The following LYSMD2 variants were observed in gnomAD, a reference collection of about 807,000 sequenced individuals.
The protein encoded by LYSMD2 is lysM and putative peptidoglycan-binding domain-containing protein 2.
LYSMD2 carries 6 observed loss-of-function variants against 17.7 expected under a neutral mutation model. That is an observed-to-expected ratio of 0.34 (90% CI 0.19 to 0.67). The LOEUF (loss-of-function observed/expected upper bound fraction) is 0.67, where lower values mean the gene tolerates loss of function less well. Ranked by LOEUF, LYSMD2 falls within the 30% of genes least tolerant of loss-of-function variation. LYSMD2 has a pLI of 0.69. For missense variants in LYSMD2, 237 were observed against 286.7 expected (o/e 0.83, Z 1.25); for synonymous variants, 102 against 129.8 (o/e 0.79, Z 1.45).
chr15:51,746,978 G>A (rs1165921922), intron 1 of LYSMD2, among the ~76,000 whole-genome samples: 12 of 143,320 alleles, frequency 8.4e-5, no homozygotes, highest in African/African-American at 1.8e-4. Context: ...TCAGGTGTTC[G>A]TGACCAGCCT....
At chr15:51,725,696 T>C (rs921181999) in intron 1 of LYSMD2, among the ~76,000 whole-genome samples, 6 of 152,070 alleles carry the variant, frequency 3.9e-5, no homozygotes, top group Admixed American at 3.3e-4. Context: ...GAAATATATA[T>C]ATATGAGAGA....
chr15:51,724,917 T>C lies in LYSMD2; in HGVS notation c.478A>G (p.Ser160Gly), dbSNP rs907811822. ...VVAGEDLPPP[S>G]PQESDVQPVQ... ...GGCTGAACATCAGATTCTTGAGGAC[T>C]GGGAGGAGGGAGGTCTTCCCCGGCC... The change falls in exon 2 of 3, where the codon AGT becomes GGT. Residue 160 changes from serine to glycine, a missense_variant. Coordinates refer to ENST00000267838, the MANE Select transcript of LYSMD2 (RefSeq NM_153374.3). 6.2e-7 allele frequency: 1 copy of C among 1,614,118 alleles called. No homozygotes were observed. The highest frequency in any genetic ancestry group is 1.7e-5 in the Admixed American group (1 of 60,018).
chr15:51,739,399 T>C (rs1001138200), upstream of LYSMD2, among the ~76,000 whole-genome samples: 31 of 152,212 alleles, frequency 2.0e-4, no homozygotes, highest in Non-Finnish European at 4.4e-5. Flanking sequence ...AAAAAGATCC[T>C]GAATGCTAAT....
chr15:51,749,582 G>C (rs1483017316), intron 1 of LYSMD2, among the ~76,000 whole-genome samples: 1 of 152,168 alleles, frequency 6.6e-6, no homozygotes, highest in Non-Finnish European at 1.5e-5. Context: ...AGAACCACGG[G>C]AAACCAAAGA....
At chr15:51,727,815 G>A (rs889252232) in intron 1 of LYSMD2, among the ~76,000 whole-genome samples, 14 of 152,218 alleles carry the variant, frequency 9.2e-5, no homozygotes, top group African/African-American at 3.4e-4. Context: ...TCATTAGTAA[G>A]CATTTAAGAT....
intron 1 of LYSMD2, among the ~76,000 whole-genome samples, chr15:51,726,568 T>C (rs577788874): frequency 2.0e-5 from 3 of 152,194 alleles, no homozygotes; most frequent in African/African-American, 4.8e-5. Context: ...TGCAGGACGG[T>C]AGTCGAGGGG....
At chr15:51,745,729 T>C (rs1217863839) in intron 1 of LYSMD2, among the ~76,000 whole-genome samples, 20 of 152,090 alleles carry the variant, frequency 1.3e-4, no homozygotes, top group Admixed American at 1.2e-3. Context: ...GTCTAGAACA[T>C]ATAAAGAACT....
intron 1 of LYSMD2, among the ~76,000 whole-genome samples, chr15:51,731,116 T>C (rs1037422036): frequency 2.0e-5 from 3 of 152,196 alleles, no homozygotes; most frequent in Non-Finnish European, 2.9e-5. Context: ...GGCATGGGGA[T>C]CTTTTCGGGG....
At chr15:51,748,001 G>A (rs890672350) in intron 1 of LYSMD2, among the ~76,000 whole-genome samples, 4 of 152,180 alleles carry the variant, frequency 2.6e-5, no homozygotes, top group African/African-American at 9.6e-5. Context: ...GGCCGGGCCC[G>A]GTGGCTCACG....
upstream of LYSMD2, among the ~76,000 whole-genome samples, chr15:51,741,496 C>T (rs2141601677): frequency 6.6e-6 from 1 of 152,268 alleles, no homozygotes; most frequent in South Asian, 2.1e-4. Flanking sequence ...ATAATTCATC[C>T]ATTTAAAGTG....
chr15:51,732,243 G>A (rs143214055), intron 1 of LYSMD2, among the ~76,000 whole-genome samples: 241 of 152,224 alleles, frequency 1.6e-3, no homozygotes, highest in Non-Finnish European at 2.5e-3. Context: ...TCCAGGGTCC[G>A]CTCAGCTCCA....
chr15:51,733,979 T>C (rs113694660), intron 1 of LYSMD2, among the ~76,000 whole-genome samples: 1,534 of 152,232 alleles, frequency 0.01, 18 homozygotes, highest in African/African-American at 0.022. Context: ...GGTCAGGAGT[T>C]GAACACCAGC....
chr15:51,735,131 G>T (rs796125624), intron 1 of LYSMD2, among the ~76,000 whole-genome samples: 18 of 151,688 alleles, frequency 1.2e-4, no homozygotes, highest in African/African-American at 4.4e-4. Flanking sequence ...CCATGTTAGT[G>T]CCACTGCACT....
At chr15:51,727,021 A>T (rs1384487536) in intron 1 of LYSMD2, among the ~76,000 whole-genome samples, 1 of 152,176 alleles carries the variant, frequency 6.6e-6, no homozygotes, top group Non-Finnish European at 1.5e-5. Flanking sequence ...TCTGACAAAG[A>T]TCTCATACAC....
chr15:51,737,487 G>C lies in LYSMD2; in HGVS notation c.136C>G (p.Arg46Gly). 2 of 1,383,058 alleles carry C rather than the reference G, an allele frequency of 1.4e-6. No homozygotes were observed. The highest frequency in any genetic ancestry group is 1.9e-6 in the Non-Finnish European group (2 of 1,069,270). The allele number at this position is 1,383,058 out of a possible 1,614,324, so 85.7% of individuals were successfully genotyped here. Residue 46 changes from arginine (R) to glycine (G), a missense_variant, in exon 1 of 3, where the codon CGC becomes GGC. By Grantham distance (125) the Arg-to-Gly change is moderately radical. Coordinates refer to ENST00000267838, the MANE Select transcript of LYSMD2 (RefSeq NM_153374.3). This position sits in a 1 kb window ranked among gnomAD's most constrained non-coding sequence, Gnocchi z 4.2. ...CTGCCGTACGAGCGGGTCTTGGTGC[G>C]GGCCAGGCTCAGCGACAGCTCGGCC... ...EEAELSLSLARTKTRSYGSTA... is the reference protein window; with the variant it reads ...EEAELSLSLAGTKTRSYGSTA...
chr15:51,728,771 G>A (rs1303146657), intron 1 of LYSMD2, among the ~76,000 whole-genome samples: 1 of 152,098 alleles, frequency 6.6e-6, no homozygotes, highest in Non-Finnish European at 1.5e-5. Flanking sequence ...TAGGGAGGCT[G>A]AGGCAGAAGA....
chr15:51,744,556 G>T (rs1306413548), intron 1 of LYSMD2, among the ~76,000 whole-genome samples: 9 of 151,952 alleles, frequency 5.9e-5, no homozygotes, highest in Non-Finnish European at 1.0e-4. Flanking sequence ...TTAATATTTT[G>T]TTGAGGACTT....
At chr15:51,724,091 T>C (rs2055520474) in intron 2 of LYSMD2, among the ~76,000 whole-genome samples, 2 of 151,978 alleles carry the variant, frequency 1.3e-5, no homozygotes, top group African/African-American at 4.8e-5. Flanking sequence ...ATAAGAAATA[T>C]TATAGGAGTT....
At chr15:51,747,174 T>C (rs2055672298) in intron 1 of LYSMD2, among the ~76,000 whole-genome samples, 1 of 151,670 alleles carries the variant, frequency 6.6e-6, no homozygotes, top group South Asian at 2.1e-4. Flanking sequence ...CACTCCAGCC[T>C]GGGTAACAGA....
Sources: allele counts gnomAD v4.1 joint callset (sites outside exome capture counted in the v4.1 genomes callset), GRCh38; gene constraint gnomAD v4.1.1; non-coding constraint Gnocchi (gnomAD v3.1); transcripts MANE v1.5; gene names NCBI Gene and HGNC (gene_info 2026-07-23, HGNC 2026-07-21).